The following PTPN20 variants were observed in gnomAD, a reference collection of about 807,000 sequenced individuals.
PTPN20 encodes protein tyrosine phosphatase non-receptor type 20, also known as tyrosine-protein phosphatase non-receptor type 20.
Under a neutral mutation model 35.0 loss-of-function variants are expected in PTPN20, and 9 were observed. The observed-to-expected ratio is 0.26, with a 90% CI of 0.15 to 0.45. The LOEUF (loss-of-function observed/expected upper bound fraction) is 0.45. Among genes scored for constraint, PTPN20 ranks in the 20% least tolerant of loss-of-function variants. The pLI, the probability that PTPN20 is intolerant of heterozygous loss-of-function variation, is 1.00. For synonymous variants in PTPN20, 32 were observed against 100.2 expected, an observed-to-expected ratio of 0.32 and a Z score of 4.06; for missense variants, 111 against 312.5, an observed-to-expected ratio of 0.36 and a Z score of 4.86.
chr10:46,982,790 A>G (rs2055835736), intron 7 of PTPN20, among the ~76,000 whole-genome samples: 1 of 152,172 alleles, frequency 6.6e-6, no homozygotes, highest in South Asian at 2.1e-4. Flanking sequence ...TATTATTATT[A>G]TATGACATAT....
intron 9 of PTPN20, among the ~76,000 whole-genome samples, chr10:46,999,261 C>T (rs1590061165): frequency 6.6e-6 from 1 of 152,174 alleles, no homozygotes; most frequent in East Asian, 1.9e-4. Context: ...ACGACTCATT[C>T]TCAGCTTGTC....
At chr10:46,999,802 T>G in intron 9 of PTPN20, 110 bp from the exon 10 acceptor site, 4 of 1,300,230 alleles carry the variant, frequency 3.1e-6, no homozygotes, top group Non-Finnish European at 4.4e-6. Flanking sequence ...TGAGTGAAAA[T>G]GAGATCTTTC....
intron 5 of PTPN20, among the ~76,000 whole-genome samples, chr10:46,952,693 T>A (rs1380486232): frequency 1.3e-5 from 2 of 151,244 alleles, no homozygotes; most frequent in African/African-American, 4.9e-5. Flanking sequence ...CCTCAAGATC[T>A]AAGTCATTAG....
downstream of PTPN20, among the ~76,000 whole-genome samples, chr10:47,003,617 C>CT (rs1373620091): frequency 2.0e-5 from 3 of 152,092 alleles, no homozygotes; most frequent in Middle Eastern, 3.4e-3. Flanking sequence ...GACTTCTTGC[C>CT]TTTTTTTGTA....
chr10:46,951,498 T>G (rs1475502295), intron 5 of PTPN20, among the ~76,000 whole-genome samples: 1 of 152,236 alleles, frequency 6.6e-6, no homozygotes, highest in Non-Finnish European at 1.5e-5. Flanking sequence ...ATTCTTAATT[T>G]CTAAAATGTT....
At chr10:46,935,116 C>CT (rs1211607303) in intron 2 of PTPN20, among the ~76,000 whole-genome samples, 1 of 151,474 alleles carries the variant, frequency 6.6e-6, no homozygotes, top group Non-Finnish European at 1.5e-5. Context: ...GCTACCCAAA[C>CT]TTTTTTGTAG....
chr10:46,936,699 G>A (rs1244506817), intron 2 of PTPN20, among the ~76,000 whole-genome samples: 3 of 146,736 alleles, frequency 2.0e-5, no homozygotes, highest in Non-Finnish European at 4.5e-5. Flanking sequence ...CTTCAGTGCA[G>A]GAAGTACTAT....
chr10:46,928,335 A>T (rs1251301898), intron 1 of PTPN20, among the ~76,000 whole-genome samples: 5 of 151,798 alleles, frequency 3.3e-5, no homozygotes, highest in African/African-American at 1.2e-4. Context: ...TCTTTATCCT[A>T]GAGTTTCTGT....
At chr10:46,998,535 G>A (rs2059542399) in intron 9 of PTPN20, among the ~76,000 whole-genome samples, 3 of 152,286 alleles carry the variant, frequency 2.0e-5, no homozygotes, top group African/African-American at 7.2e-5. Context: ...GAAGTCTTGT[G>A]GTGGAACAGC....
chr10:46,999,963 G>A lies in PTPN20; in HGVS notation c.1186G>A (p.Val396Ile), dbSNP rs1260568425. The A allele has an allele frequency of 3.1e-6, 5 of 1,613,764 alleles. No homozygotes were observed. The highest frequency in any genetic ancestry group is 4.2e-6 in the Non-Finnish European group (5 of 1,179,716). ...AATGAGAGAACAACGTTCTGGCATG[G>A]TTCAAACGAAGGTAAGCTTTCACCA... is the stretch of plus-strand genomic sequence containing the variant. ...AQMREQRSGMVQTKEQYHFCY... is the reference protein window; with the variant it reads ...AQMREQRSGMIQTKEQYHFCY... The change falls in exon 10 of 11, where the codon GTT becomes ATT. Residue 396 changes from valine to isoleucine, a missense_variant. Physicochemically the swap from Val to Ile is conservative, Grantham distance 29. This residue lies in a region of PTPN20 where 61 missense variants were observed against 54.3 expected (regional missense o/e 1.12). Transcript: ENST00000374339.
Position 47,001,043 on chromosome 10 carries a change from T to C in PTPN20, c.*302T>C. On this transcript the variant is annotated 3_prime_UTR_variant, in exon 11 of 11. Coordinates refer to ENST00000374339, the MANE Select transcript of PTPN20 (RefSeq NM_001042357.5). ...TGGTTGAAGGGATTACAGAGCCCAA[T>C]AAAGGATTTAAAATATATTCATTAA... The C allele has an allele frequency of 2.4e-6, 1 of 421,204 alleles. No individual in the cohort carries two copies. The highest frequency in any genetic ancestry group is 2.8e-5 in the South Asian group (1 of 35,952). 26.1% of individuals were successfully genotyped at this position (421,204 alleles called of 1,614,324 possible). A position where few individuals can be genotyped will look rare whatever the true frequency, so the allele number is the denominator to read the frequency against.
intron 1 of PTPN20, among the ~76,000 whole-genome samples, chr10:46,919,191 G>T (rs1424220421): frequency 3.3e-5 from 5 of 152,182 alleles, no homozygotes; most frequent in Non-Finnish European, 7.4e-5. Context: ...TGGGTTCCTT[G>T]TAGACAGTAT....
At position 46,982,974 on chromosome 10, in the gene PTPN20, T is replaced by C. The variant is rs1314339871; in HGVS notation, c.584-1256T>C. On this transcript the variant is annotated intron_variant, in intron 7 of 10. Transcript: ENST00000374339. Reference sequence around the variant, plus strand: ...AATATACAAATAGGAGTTTTTAAGGTGTTATCATCTTTTATAGAAAGGAGA... The same window carrying C: ...AATATACAAATAGGAGTTTTTAAGGCGTTATCATCTTTTATAGAAAGGAGA... 6.6e-3 allele frequency among the ~76,000 whole-genome samples: 1,008 copies of C among 152,074 alleles called. 17 individuals carry two copies. Among genetic ancestry groups the C allele is most frequent in the African/African-American group, 0.023 (942 of 41,502 alleles).
At chr10:46,994,733 C>T (rs1186581490) in intron 9 of PTPN20, among the ~76,000 whole-genome samples, 4 of 152,134 alleles carry the variant, frequency 2.6e-5, no homozygotes, top group Non-Finnish European at 4.4e-5. Flanking sequence ...TTGTTCAACT[C>T]CCTCTTGAAC....
chr10:46,923,532 G>A (rs11596580), intron 1 of PTPN20, among the ~76,000 whole-genome samples: 3 of 150,092 alleles, frequency 2.0e-5, no homozygotes, highest in East Asian at 3.9e-4. Flanking sequence ...CATTTGTGTG[G>A]ATATATTTAT....
In PTPN20 at chr10:46,954,100, TGG is replaced by T. The variant is rs1208826756; in HGVS notation, c.340+7433_340+7434del. Among the ~76,000 whole-genome samples the T allele has an allele frequency of 1.8e-4, 17 of 97,038 alleles. 1 individual carries two copies. The highest frequency in any genetic ancestry group is 8.9e-4 in the African/African-American group (16 of 18,034). 63.7% of individuals were successfully genotyped at this position (97,038 alleles called of 152,430 possible). Reference sequence around the variant, plus strand: ...TTAGTTTTTAGTTTTTTTTTTTTTTTGGGGGGGGGTGCTTTTATAACAAAATA... The same window carrying T: ...TTAGTTTTTAGTTTTTTTTTTTTTTTGGGGGGGTGCTTTTATAACAAAATA... On this transcript the variant is annotated intron_variant, in intron 5 of 10. Transcript: ENST00000374339.
intron 9 of PTPN20, among the ~76,000 whole-genome samples, chr10:46,997,735 C>G (rs1010598289): frequency 6.7e-6 from 1 of 148,906 alleles, no homozygotes; most frequent in African/African-American, 2.5e-5. Flanking sequence ...AAAAGAAAAA[C>G]AGAAATGGGT....
chr10:46,940,821 T>C (rs2043237762), intron 3 of PTPN20, 104 bp downstream of exon 3: 2 of 1,219,574 alleles, frequency 1.6e-6, no homozygotes, highest in South Asian at 1.3e-5. Flanking sequence ...ACCAAAATGA[T>C]TTCTTAATTT....
intron 6 of PTPN20, among the ~76,000 whole-genome samples, chr10:46,965,930 T>TG (rs2050452072): frequency 1.5e-5 from 1 of 68,388 alleles, no homozygotes; most frequent in Non-Finnish European, 2.7e-5. Context: ...TACTCTTTTT[T>TG]TTTTTGAGAT....
Sources: gnomAD v4.1 joint callset for allele counts (sites outside exome capture counted in the v4.1 genomes callset) on GRCh38, gnomAD v4.1.1 for gene constraint, gnomAD v4.1.1 regional missense constraint, MANE v1.5 for transcripts, NCBI Gene and HGNC (gene_info 2026-07-23, HGNC 2026-07-21) for gene names.